Variants in PCDH11X observed in about 807,000 individuals in gnomAD.
The protein encoded by PCDH11X is protocadherin-11 X-linked.
A neutral mutation model predicts 53.3 loss-of-function variants in PCDH11X; 18 were observed. The ratio of observed to expected loss-of-function variants is 0.34; its 90% CI spans 0.23 to 0.50. The LOEUF is 0.50. PCDH11X is among the 20% of genes least tolerant of loss of function. The pLI is 0.98. For synonymous variants in PCDH11X, 279 were observed against 393.3 expected, an observed-to-expected ratio of 0.71 and a Z score of 3.44; for missense variants, 570 against 1,032.4, an observed-to-expected ratio of 0.55 and a Z score of 6.14.
chrX:92,105,321 G>C (rs1398240726), intron 6 of PCDH11X, among the ~76,000 whole-genome samples: 1 of 110,990 alleles, frequency 9.0e-6, no homozygotes, highest in East Asian at 2.9e-4. Context: ...GATGTTTCTT[G>C]GGCTGGTCGG....
At chrX:92,137,934 G>A (rs1384222127) in intron 6 of PCDH11X, among the ~76,000 whole-genome samples, 1 of 107,385 alleles carries the variant, frequency 9.3e-6, no homozygotes, top group Non-Finnish European at 1.9e-5. Context: ...GTGGTTTGCT[G>A]CACAGATCAT....
At chrX:92,518,627 C>G (rs1213260289) in intron 10 of PCDH11X, among the ~76,000 whole-genome samples, 3 of 110,984 alleles carry the variant, frequency 2.7e-5, no homozygotes, top group Non-Finnish European at 3.8e-5. Flanking sequence ...TAATCAGGGC[C>G]TTCAGGATTA....
intron 8 of PCDH11X, chrX:92,287,913 A>C (rs2148453383): frequency 2.0e-6 from 1 of 507,098 alleles, no homozygotes; most frequent in African/African-American, 2.4e-5. Context: ...GGTTGTCTGA[A>C]AGTGTGTAAC....
intron 6 of PCDH11X, among the ~76,000 whole-genome samples, chrX:92,011,402 A>G (rs34540822): frequency 1.1e-4 from 12 of 112,142 alleles, no homozygotes; most frequent in South Asian, 3.6e-4. Flanking sequence ...TGACTTTTTA[A>G]TAATAGCCAT....
chrX:91,981,645 A>G (rs1569290848), intron 6 of PCDH11X, among the ~76,000 whole-genome samples: 1 of 111,717 alleles, frequency 9.0e-6, no homozygotes, highest in African/African-American at 3.3e-5. Context: ...TTTATAAAAG[A>G]AAGAGGTTTA....
intron 6 of PCDH11X, among the ~76,000 whole-genome samples, chrX:92,157,455 A>G (rs1332724223): frequency 8.9e-6 from 1 of 111,967 alleles, no homozygotes; most frequent in Non-Finnish European, 1.9e-5. Context: ...ATTTAATGGC[A>G]AAAGGATAGA....
At chrX:92,125,849 G>A (rs1315177917) in intron 6 of PCDH11X, among the ~76,000 whole-genome samples, 1 of 110,241 alleles carries the variant, frequency 9.1e-6, no homozygotes, top group Non-Finnish European at 1.9e-5. Flanking sequence ...ACTTGAGGCT[G>A]GGCGCAGTGT....
chrX:91,948,977 G>C (rs1291373974), intron 6 of PCDH11X, among the ~76,000 whole-genome samples: 1 of 110,594 alleles, frequency 9.0e-6, no homozygotes, highest in East Asian at 2.9e-4. Flanking sequence ...GATTCTACAA[G>C]GATAGAGGGA....
intron 4 of PCDH11X, among the ~76,000 whole-genome samples, chrX:91,832,845 A>T (rs2361637): frequency 1.8e-5 from 2 of 108,688 alleles, no homozygotes; most frequent in South Asian, 4.1e-4. Context: ...GTTTTATCTT[A>T]TTTTTTTTTA....
At chrX:92,106,230 A>T (rs2064381606) in intron 6 of PCDH11X, among the ~76,000 whole-genome samples, 1 of 101,997 alleles carries the variant, frequency 9.8e-6, no homozygotes, top group African/African-American at 4.0e-5. Flanking sequence ...TTTTGATGTT[A>T]ACTTAGAGAG....
At chrX:91,943,112 G>T (rs1473242388) in intron 6 of PCDH11X, among the ~76,000 whole-genome samples, 2 of 95,169 alleles carry the variant, frequency 2.1e-5, no homozygotes, top group African/African-American at 7.7e-5. Context: ...AGTTGGAGTG[G>T]GGAGGATAAA....
At chrX:91,953,926 A>G (rs2061675975) in intron 6 of PCDH11X, among the ~76,000 whole-genome samples, 1 of 110,408 alleles carries the variant, frequency 9.1e-6, no homozygotes, top group Non-Finnish European at 1.9e-5. Flanking sequence ...CGTATTATGA[A>G]CATTAGTTCA....
intron 6 of PCDH11X, among the ~76,000 whole-genome samples, chrX:92,013,411 T>C (rs1410035642): frequency 8.9e-6 from 1 of 111,794 alleles, no homozygotes. Flanking sequence ...GAACATTCCA[T>C]GTTCATGGGT....
intron 8 of PCDH11X, among the ~76,000 whole-genome samples, chrX:92,316,874 C>A (rs1000037871): frequency 4.4e-4 from 48 of 109,930 alleles, no homozygotes; most frequent in African/African-American, 1.5e-3. Flanking sequence ...CTCATAATGC[C>A]CCTGTAGTCA....
intron 1 of PCDH11X, among the ~76,000 whole-genome samples, chrX:91,791,540 C>T (rs961801840): frequency 8.2e-5 from 9 of 109,393 alleles, no homozygotes; most frequent in African/African-American, 2.7e-4. Flanking sequence ...TTCCACCAGG[C>T]CCCTCCTTCA....
intron 6 of PCDH11X, among the ~76,000 whole-genome samples, chrX:92,171,502 C>T (rs1009666651): frequency 2.7e-5 from 3 of 111,000 alleles, no homozygotes; most frequent in Non-Finnish European, 5.7e-5. Context: ...CTTAGTTGCT[C>T]AGGCTGGCGT....
chrX:92,218,590 G>A (rs1329702450), intron 7 of PCDH11X, among the ~76,000 whole-genome samples: 1 of 110,820 alleles, frequency 9.0e-6, no homozygotes, highest in Non-Finnish European at 1.9e-5. Flanking sequence ...AGGACCAGAT[G>A]GATTCACAGC....
At position 92,618,603 on chromosome X, in the gene PCDH11X, C is replaced by A. The variant is rs1002496511; in HGVS notation, c.3707C>A (p.Pro1236Gln). The change falls in exon 11 of 11, where the codon CCA (proline) becomes CAA (glutamine). Residue 1236 changes from proline to glutamine, a missense_variant. Physicochemically the swap from Pro to Gln is moderately conservative, Grantham distance 76. Coordinates refer to ENST00000682573, the MANE Select transcript of PCDH11X (RefSeq NM_032968.5). ...GCTACTGCACTTCACCACAGCCCAC[C>A]ATCAGCACAGGCCTCAGCCCTCTGC... is the stretch of plus-strand genomic sequence containing the variant. ...VQATALHHSP[P>Q]SAQASALCYS... 2 of 1,210,258 alleles carry A rather than the reference C, an allele frequency of 1.7e-6. No individual in the cohort carries two copies. Among genetic ancestry groups the A allele is most frequent in the Non-Finnish European group, 2.2e-6 (2 of 895,201 alleles).
In PCDH11X at chrX:92,128,112, G is replaced by A. The variant is rs141578138; in HGVS notation, c.3034-73263G>A. Among the ~76,000 whole-genome samples, 789 of 111,541 alleles carry A rather than the reference G, an allele frequency of 7.1e-3. 3 individuals are homozygous for A. Among genetic ancestry groups the A allele is most frequent in the Middle Eastern group, 0.023 (5 of 215 alleles). On this transcript the variant is annotated intron_variant, in intron 6 of 10. Coordinates refer to ENST00000682573, the MANE Select transcript of PCDH11X (RefSeq NM_032968.5). ...TCTTTCACCAATGGATGCAAGTAAG[G>A]TGCTACAGTTAATTATAATGAATGT... is the stretch of plus-strand genomic sequence containing the variant.
Sources: gnomAD v4.1 joint callset for allele counts (sites outside exome capture counted in the v4.1 genomes callset) on GRCh38, gnomAD v4.1.1 for gene constraint, MANE v1.5 for transcripts, NCBI Gene and HGNC (gene_info 2026-07-23, HGNC 2026-07-21) for gene names.